PCDHA10: variants seen among roughly 807,000 people sequenced by gnomAD.
PCDHA10 encodes the protein protocadherin alpha 10.
Under a neutral mutation model 61.2 loss-of-function variants are expected in PCDHA10, and 45 were observed. That is an observed-to-expected ratio of 0.74 (90% CI 0.58 to 0.94). The LOEUF is 0.94. Among genes scored for constraint, PCDHA10 ranks in the 40% least tolerant of loss-of-function variants. The pLI is 0.00. For synonymous variants in PCDHA10, 602 were observed against 548.8 expected, an observed-to-expected ratio of 1.10 and a Z score of -1.35; for missense variants, 1,278 against 1,236.2, an observed-to-expected ratio of 1.03 and a Z score of -0.51.
Position 140,904,868 on chromosome 5 carries a change from C to T in PCDHA10, c.2388+46432C>T, listed in dbSNP as rs188578381. 2.9e-3 allele frequency among the ~76,000 whole-genome samples: 446 copies of T among 152,022 alleles called. 2 individuals are homozygous for T. Among genetic ancestry groups the T allele is most frequent in the Middle Eastern group, 0.014 (4 of 294 alleles). Reference sequence around the variant, plus strand: ...TCTTCTGAGAATTGTCTGTTTATGTCCTTAGCTCACTTTTTGATGGGATTT... The same window carrying T: ...TCTTCTGAGAATTGTCTGTTTATGTTCTTAGCTCACTTTTTGATGGGATTT... On this transcript the variant is annotated intron_variant, in intron 1 of 3. Transcript: ENST00000307360.
chr5:140,934,868 G>A (rs2090080725), intron 1 of PCDHA10, among the ~76,000 whole-genome samples: 1 of 152,128 alleles, frequency 6.6e-6, no homozygotes, highest in African/African-American at 2.4e-5. Flanking sequence ...CTTTGTGAGT[G>A]TGTTTGTGTA....
chr5:140,979,882 A>C (rs1554241172), intron 2 of PCDHA10, among the ~76,000 whole-genome samples: 1 of 152,274 alleles, frequency 6.6e-6, no homozygotes, highest in Non-Finnish European at 1.5e-5. Context: ...TATCAAGTGA[A>C]TATTCACCAA....
intron 3 of PCDHA10, among the ~76,000 whole-genome samples, chr5:141,000,395 C>A (rs664650): frequency 0.072 from 3,868 of 53,704 alleles, 168 homozygotes; most frequent in Non-Finnish European, 0.081. Flanking sequence ...CTCTCTCTCT[C>A]TATATATATA....
At chr5:140,933,731 A>G (rs1210438420) in intron 1 of PCDHA10, among the ~76,000 whole-genome samples, 2 of 151,958 alleles carry the variant, frequency 1.3e-5, no homozygotes, top group East Asian at 1.9e-4. Context: ...CAGCTTTCTT[A>G]AATATTTGGT....
At chr5:140,959,494 T>G (rs2153722388) in intron 1 of PCDHA10, among the ~76,000 whole-genome samples, 1 of 152,286 alleles carries the variant, frequency 6.6e-6, no homozygotes, top group South Asian at 2.1e-4. Flanking sequence ...TATATATGGA[T>G]CAAACTAAAA....
At chr5:140,869,548 G>T in intron 1 of PCDHA10, 1 of 1,614,202 alleles carries the variant, frequency 6.2e-7, no homozygotes, top group Non-Finnish European at 8.5e-7. Flanking sequence ...TAAGCAATCG[G>T]ACTCGCGTTT....
At chr5:140,966,825 T>C in intron 1 of PCDHA10, 3 of 1,560,026 alleles carry the variant, frequency 1.9e-6, no homozygotes, top group Non-Finnish European at 2.6e-6. Flanking sequence ...CGGCGGCCCA[T>C]GCCCTGGCTG....
chr5:140,967,769 G>A (rs1213232834), intron 1 of PCDHA10: 1 of 1,614,104 alleles, frequency 6.2e-7, no homozygotes, highest in Non-Finnish European at 8.5e-7. Flanking sequence ...CCAGATCTAT[G>A]TGCAGGCGAC....
In PCDHA10 at chr5:140,857,951, G is replaced by A. The variant is rs569786768; in HGVS notation, c.1903G>A (p.Ala635Thr). 5.0e-6 allele frequency: 8 copies of A among 1,597,390 alleles called. No homozygotes were observed. The highest frequency in any genetic ancestry group is 4.5e-5 in the East Asian group (2 of 44,792). Residue 635 changes from alanine to threonine, a missense_variant, in exon 1 of 4, where the codon GCT becomes ACT. Transcript: ENST00000307360. ...LYTGEISTTRALDETDSPRQR... is the reference protein window; with the variant it reads ...LYTGEISTTRTLDETDSPRQR... Reference sequence around the variant, plus strand: ...CACGGGCGAGATCAGTACGACGCGCGCTCTGGATGAGACTGACTCGCCACG... The same window carrying A: ...CACGGGCGAGATCAGTACGACGCGCACTCTGGATGAGACTGACTCGCCACG...
chr5:140,892,233 C>G (rs1199614913), intron 1 of PCDHA10, among the ~76,000 whole-genome samples: 1 of 152,082 alleles, frequency 6.6e-6, no homozygotes, highest in Non-Finnish European at 1.5e-5. Context: ...TGTTTTGTCT[C>G]CACATAAACC....
chr5:140,928,288 C>CA (rs1554205700), intron 1 of PCDHA10: 1 of 1,614,156 alleles, frequency 6.2e-7, no homozygotes, highest in East Asian at 2.2e-5. Flanking sequence ...CTCTCTAGGC[C>CA]GAGTGTTTGC....
At chr5:140,876,459 C>T (rs2056359218) in intron 1 of PCDHA10, 1 of 1,613,878 alleles carries the variant, frequency 6.2e-7, no homozygotes, top group Non-Finnish European at 8.5e-7. Flanking sequence ...GGATTCCTTC[C>T]ATGGCAGGTC....
chr5:140,872,923 C>T (rs2053985502), intron 1 of PCDHA10, among the ~76,000 whole-genome samples: 1 of 152,102 alleles, frequency 6.6e-6, no homozygotes, highest in Non-Finnish European at 1.5e-5. Flanking sequence ...TGCCTTATCT[C>T]TAATGTTTTT....
At chr5:140,927,183 C>T (rs1554204140) in intron 1 of PCDHA10, 12 of 1,614,160 alleles carry the variant, frequency 7.4e-6, no homozygotes, top group Non-Finnish European at 1.0e-5. Context: ...TCTTGACCTA[C>T]GACCTGGTGC....
At position 140,888,063 on chromosome 5, in the gene PCDHA10, T is replaced by A. The variant is rs1412671068; in HGVS notation, c.2388+29627T>A. On this transcript the variant is annotated intron_variant, in intron 1 of 3. Coordinates refer to ENST00000307360, the MANE Select transcript of PCDHA10 (RefSeq NM_018901.4). Reference sequence around the variant, plus strand: ...TGTATAATAGATGTTTTAACTTTCTTGTCTGCTAATTTCAACATTTTTGTC... The same window carrying A: ...TGTATAATAGATGTTTTAACTTTCTAGTCTGCTAATTTCAACATTTTTGTC... Among the ~76,000 whole-genome samples the A allele has an allele frequency of 2.0e-5, 3 of 152,238 alleles. No homozygotes were observed. In the East Asian group the frequency reaches 5.8e-4, roughly 29 times the overall value.
At chr5:140,972,344 C>T (rs1379310170) in intron 1 of PCDHA10, among the ~76,000 whole-genome samples, 26 of 151,148 alleles carry the variant, frequency 1.7e-4, no homozygotes, top group African/African-American at 6.3e-4. Context: ...AGATGGGGGT[C>T]TCACTATGTT....
chr5:140,942,601 G>T (rs562403777), intron 1 of PCDHA10, among the ~76,000 whole-genome samples: 1 of 130,586 alleles, frequency 7.7e-6, no homozygotes, highest in South Asian at 2.4e-4. Flanking sequence ...TAATTATAGT[G>T]TTTATATTTG....
At chr5:140,968,776 A>C in intron 1 of PCDHA10, 1 of 1,614,200 alleles carries the variant, frequency 6.2e-7, no homozygotes, top group Non-Finnish European at 8.5e-7. Flanking sequence ...AGCCATCACT[A>C]TCAGCCTCTG....
At position 140,855,986 on chromosome 5, in the gene PCDHA10, G is replaced by A. The variant is rs191873949; in HGVS notation, c.-63G>A. On this transcript the variant is annotated 5_prime_UTR_variant, in exon 1 of 4. It removes an upstream start codon present in the reference 5' UTR. Coordinates refer to ENST00000307360, the MANE Select transcript of PCDHA10 (RefSeq NM_018901.4). ...AGATATAAGAAATAGGACAGAAAAT[G>A]TCAGATCGTATGTGCGTTCTAGACC... The A allele has an allele frequency of 6.8e-7, 1 of 1,477,690 alleles. No homozygotes were observed. Among genetic ancestry groups the A allele is most frequent in the Non-Finnish European group, 9.1e-7 (1 of 1,095,370 alleles). The allele number at this position is 1,477,690 out of a possible 1,614,324, so 91.5% of individuals were successfully genotyped here. A position where few individuals can be genotyped will look rare whatever the true frequency, so the allele number is the denominator to read the frequency against.
Sources: allele counts gnomAD v4.1 joint callset (sites outside exome capture counted in the v4.1 genomes callset), GRCh38; gene constraint gnomAD v4.1.1; transcripts MANE v1.5; gene names NCBI Gene and HGNC (gene_info 2026-07-23, HGNC 2026-07-21).